NCKAP5: variants seen among roughly 807,000 people sequenced by gnomAD.
NCKAP5 encodes the protein nck-associated protein 5.
A neutral mutation model predicts 167.0 loss-of-function variants in NCKAP5; 92 were observed. The ratio of observed to expected loss-of-function variants is 0.55; its 90% CI spans 0.47 to 0.66. NCKAP5 has a LOEUF of 0.66. NCKAP5 is among the 30% of genes least tolerant of loss of function. The pLI is 0.00. For missense variants in NCKAP5, 2,378 were observed against 2,315.0 expected, an observed-to-expected ratio of 1.03 and a Z score of -0.56; for synonymous variants, 891 against 877.4, an observed-to-expected ratio of 1.02 and a Z score of -0.27.
In NCKAP5 at chr2:133,098,553, C is replaced by T. The variant is rs534474133; in HGVS notation, c.341+31425G>A. Among the ~76,000 whole-genome samples, 129 of 152,040 alleles carry T rather than the reference C, an allele frequency of 8.5e-4. 1 individual carries two copies. Among genetic ancestry groups the T allele is most frequent in the African/African-American group, 2.9e-3 (121 of 41,476 alleles). On this transcript the variant is annotated intron_variant, in intron 6 of 19. Coordinates refer to ENST00000409261, the MANE Select transcript of NCKAP5 (RefSeq NM_207363.3). The stretch of plus-strand genomic sequence containing the variant: ...TGCTCGTGGTTACTGGGTAAAATTC[C>T]GAGACAAATATTCCTTCAAAGATCA...
the NCKAP5 span, among the ~76,000 whole-genome samples, chr2:133,644,714 C>G: frequency 6.6e-6 from 1 of 152,156 alleles, no homozygotes; most frequent in South Asian, 2.1e-4. Context: ...GCCAATTACA[C>G]TACAAGCTCC....
chr2:132,716,363 C>G (rs1198386975), intron 19 of NCKAP5, among the ~76,000 whole-genome samples: 1 of 152,096 alleles, frequency 6.6e-6, no homozygotes, highest in East Asian at 1.9e-4. Flanking sequence ...GAAGCAGCAT[C>G]TGATTTGGTG....
At chr2:132,859,941 A>G (rs1293479493) in intron 11 of NCKAP5, among the ~76,000 whole-genome samples, 3 of 151,886 alleles carry the variant, frequency 2.0e-5, no homozygotes, top group Non-Finnish European at 4.4e-5. Flanking sequence ...TTTCCATGTT[A>G]TGAAGGCAAG....
At chr2:133,316,395 C>A (rs1681612034) in intron 3 of NCKAP5, among the ~76,000 whole-genome samples, 1 of 152,102 alleles carries the variant, frequency 6.6e-6, no homozygotes, top group Admixed American at 6.5e-5. Flanking sequence ...ACCTAGACTG[C>A]CTATCCCAGG....
chr2:133,538,361 T>A (rs72992334), intron 2 of NCKAP5, among the ~76,000 whole-genome samples: 1 of 152,048 alleles, frequency 6.6e-6, no homozygotes, highest in Non-Finnish European at 1.5e-5. Context: ...TCAGGGGAAA[T>A]TAAAATACAT....
At chr2:132,717,430 T>C (rs1314264176) in intron 19 of NCKAP5, among the ~76,000 whole-genome samples, 3 of 152,222 alleles carry the variant, frequency 2.0e-5, no homozygotes, top group African/African-American at 4.8e-5. Context: ...CTTTAAGTAA[T>C]GTGCCAGATG....
At chr2:132,862,758 C>A (rs1213900704) in intron 10 of NCKAP5, among the ~76,000 whole-genome samples, 1 of 141,576 alleles carries the variant, frequency 7.1e-6, no homozygotes, top group Non-Finnish European at 1.5e-5. Flanking sequence ...TCAAAAAAAC[C>A]CAGTCTCAAA....
intron 3 of NCKAP5, among the ~76,000 whole-genome samples, chr2:133,381,723 C>T (rs1403624445): frequency 3.3e-5 from 5 of 152,190 alleles, no homozygotes; most frequent in Non-Finnish European, 7.3e-5. Context: ...GGATTTCTCC[C>T]ATTGCACCAA....
At chr2:133,042,209 C>CTA (rs1444784450) in intron 6 of NCKAP5, among the ~76,000 whole-genome samples, 1 of 152,050 alleles carries the variant, frequency 6.6e-6, no homozygotes, top group South Asian at 2.1e-4. Flanking sequence ...TTCCAAGTTT[C>CTA]TATATATATT....
chr2:133,263,842 T>C (rs921749149), intron 4 of NCKAP5, among the ~76,000 whole-genome samples: 2 of 152,170 alleles, frequency 1.3e-5, no homozygotes, highest in Admixed American at 1.3e-4. Flanking sequence ...CTCTTTTTTT[T>C]ATATTCTAAG....
chr2:132,901,834 G>C (rs561368245), intron 8 of NCKAP5, among the ~76,000 whole-genome samples: 1 of 152,294 alleles, frequency 6.6e-6, no homozygotes, highest in Middle Eastern at 3.4e-3. Context: ...AGAAGGGTCT[G>C]GTTCCAATTT....
intron 16 of NCKAP5, among the ~76,000 whole-genome samples, chr2:132,768,579 T>C (rs951658025): frequency 6.6e-6 from 1 of 152,194 alleles, no homozygotes. Flanking sequence ...GCAGTTGCTT[T>C]ATTTTACTTA....
At chr2:132,821,826 G>A (rs978223337) in intron 11 of NCKAP5, among the ~76,000 whole-genome samples, 2 of 152,196 alleles carry the variant, frequency 1.3e-5, no homozygotes, top group East Asian at 3.9e-4. Flanking sequence ...CCATTGGCCT[G>A]AGAATCACTC....
chr2:133,045,407 G>A (rs1428053189), intron 6 of NCKAP5, among the ~76,000 whole-genome samples: 1 of 151,928 alleles, frequency 6.6e-6, no homozygotes, highest in Non-Finnish European at 1.5e-5. Context: ...ATAATTAAGA[G>A]AGACTGAATT....
At chr2:132,715,238 G>A (rs1347699029) in intron 19 of NCKAP5, among the ~76,000 whole-genome samples, 1 of 152,072 alleles carries the variant, frequency 6.6e-6, no homozygotes, top group African/African-American at 2.4e-5. Flanking sequence ...GATTCTTCCT[G>A]AATACCGAGC....
chr2:133,632,974 G>A, the NCKAP5 span, among the ~76,000 whole-genome samples: 73 of 152,286 alleles, frequency 4.8e-4, no homozygotes, highest in African/African-American at 1.5e-3. Context: ...TGGACACACC[G>A]GTAGCTTGGC....
intron 4 of NCKAP5, among the ~76,000 whole-genome samples, chr2:133,263,801 T>C (rs2089038810): frequency 6.6e-6 from 1 of 152,194 alleles, no homozygotes; most frequent in African/African-American, 2.4e-5. Flanking sequence ...ACCTTGATTG[T>C]CTTCATTATG....
intron 9 of NCKAP5, among the ~76,000 whole-genome samples, chr2:132,870,074 G>A (rs6430378): frequency 0.46 from 70,510 of 151,964 alleles, 16,788 homozygotes; most frequent in East Asian, 0.71. Context: ...GGCAATTCCA[G>A]TGATTGGTTT....
intron 3 of NCKAP5, among the ~76,000 whole-genome samples, chr2:133,362,100 G>C (rs1276746404): frequency 1.3e-5 from 2 of 152,182 alleles, no homozygotes; most frequent in Non-Finnish European, 1.5e-5. Flanking sequence ...TTAAGGCTGT[G>C]TTTCGAGCCA....
Sources: gnomAD v4.1 joint callset for allele counts (sites outside exome capture counted in the v4.1 genomes callset) on GRCh38, gnomAD v4.1.1 for gene constraint, MANE v1.5 for transcripts, NCBI Gene and HGNC (gene_info 2026-07-23, HGNC 2026-07-21) for gene names.